CNBD1: variants seen among roughly 807,000 people sequenced by gnomAD.
CNBD1 encodes cyclic nucleotide binding domain containing 1, also known as cyclic nucleotide-binding domain-containing protein 1.
CNBD1 carries 71 observed loss-of-function variants against 54.4 expected under a neutral mutation model. That is an observed-to-expected ratio of 1.30 (90% CI 1.08 to 1.59). The LOEUF is 1.59. Among genes scored for constraint, CNBD1 ranks in the 40% most tolerant of loss-of-function variants. CNBD1 has a pLI of 0.00. For synonymous variants in CNBD1, 182 were observed against 170.7 expected, an observed-to-expected ratio of 1.07 and a Z score of -0.51; for missense variants, 659 against 518.0, an observed-to-expected ratio of 1.27 and a Z score of -2.64.
intron 4 of CNBD1, among the ~76,000 whole-genome samples, chr8:87,200,285 G>A (rs751070870): frequency 6.6e-6 from 1 of 152,062 alleles, no homozygotes; most frequent in Non-Finnish European, 1.5e-5. Flanking sequence ...AACACAAAAA[G>A]CTCCATACCT....
At chr8:87,280,957 C>A (rs999810366) in intron 6 of CNBD1, among the ~76,000 whole-genome samples, 3 of 149,580 alleles carry the variant, frequency 2.0e-5, no homozygotes, top group Non-Finnish European at 4.5e-5. Flanking sequence ...ATCTATGTAG[C>A]CTTAATAGAT....
chr8:87,085,777 G>C (rs1419009775), intron 4 of CNBD1, among the ~76,000 whole-genome samples: 1 of 152,106 alleles, frequency 6.6e-6, no homozygotes, highest in Non-Finnish European at 1.5e-5. Context: ...CCTTGTGTTG[G>C]TGGGTGTAGG....
chr8:87,246,642 T>G (rs975461904), intron 6 of CNBD1, among the ~76,000 whole-genome samples: 3 of 152,104 alleles, frequency 2.0e-5, no homozygotes, highest in African/African-American at 7.2e-5. Context: ...CTCCCCTGTC[T>G]TTCCATCCTG....
chr8:87,228,008 T>A (rs1814546705), intron 5 of CNBD1, among the ~76,000 whole-genome samples: 4 of 151,808 alleles, frequency 2.6e-5, no homozygotes, highest in Non-Finnish European at 4.4e-5. Context: ...CCATCACTGA[T>A]ACCCTTTCTT....
intron 2 of CNBD1, among the ~76,000 whole-genome samples, chr8:87,422,400 G>A (rs572635744): frequency 9.1e-5 from 9 of 98,520 alleles, no homozygotes; most frequent in Non-Finnish European, 1.6e-4. Context: ...GGGTTTTTAT[G>A]GTTTAGGTCT....
intron 4 of CNBD1, among the ~76,000 whole-genome samples, chr8:87,078,664 T>C (rs1810923764): frequency 6.6e-6 from 1 of 152,208 alleles, no homozygotes; most frequent in Admixed American, 6.5e-5. Flanking sequence ...AGAGTCTTGA[T>C]GGCTTTGGCT....
chr8:87,226,194 C>T (rs1217274252), intron 5 of CNBD1, among the ~76,000 whole-genome samples: 2 of 151,764 alleles, frequency 1.3e-5, no homozygotes, highest in East Asian at 1.9e-4. Flanking sequence ...AAAACCAGCT[C>T]CTGGATTCAT....
intron 4 of CNBD1, among the ~76,000 whole-genome samples, chr8:87,181,198 G>A (rs1428561268): frequency 6.6e-6 from 1 of 152,120 alleles, no homozygotes; most frequent in African/African-American, 2.4e-5. Flanking sequence ...TGAATCAAAA[G>A]CATCTATTCC....
chr8:87,323,634 AT>A (rs1433258317), intron 8 of CNBD1, among the ~76,000 whole-genome samples: 1 of 132,600 alleles, frequency 7.5e-6, no homozygotes, highest in Non-Finnish European at 1.7e-5. Context: ...AATGCTTGTG[AT>A]TTTTGTACAT....
rs571078631 is a variant in CNBD1 at position 87,271,893 on chromosome 8, G to C, written c.772-12785G>C. The stretch of plus-strand genomic sequence containing the variant: ...ATGGATGAATGAATAAAGAAAATGT[G>C]GTATATATACACAATGGAATGTTAA... On this transcript the variant is annotated intron_variant, in intron 6 of 10. Transcript: ENST00000518476. 2.6e-5 allele frequency among the ~76,000 whole-genome samples: 4 copies of C among 151,812 alleles called. No homozygotes were observed. In the South Asian group the frequency reaches 8.3e-4, roughly 32 times the overall value.
chr8:87,321,014 A>T (rs1347277539), intron 8 of CNBD1, among the ~76,000 whole-genome samples: 2 of 152,138 alleles, frequency 1.3e-5, no homozygotes, highest in Admixed American at 6.6e-5. Flanking sequence ...CTCAAACTGC[A>T]TCCATGTTGC....
At chr8:87,295,368 TATG>T (rs1275285816) in intron 8 of CNBD1, among the ~76,000 whole-genome samples, 76 of 152,074 alleles carry the variant, frequency 5.0e-4, no homozygotes, top group African/African-American at 1.8e-3. Flanking sequence ...TTATTAATAA[TATG>T]ATAAATGTGA....
At chr8:87,259,710 G>A (rs1228404414) in intron 6 of CNBD1, among the ~76,000 whole-genome samples, 2 of 152,068 alleles carry the variant, frequency 1.3e-5, no homozygotes, top group Middle Eastern at 3.2e-3. Context: ...TTTCTTAATT[G>A]GTTATTGGCT....
intron 2 of CNBD1, among the ~76,000 whole-genome samples, chr8:87,415,417 T>A (rs950247246): frequency 6.6e-6 from 1 of 152,092 alleles, no homozygotes; most frequent in African/African-American, 2.4e-5. Context: ...TATATTGCTC[T>A]GTGTTAGGCT....
Position 87,098,851 on chromosome 8 carries a change from A to G in CNBD1, c.432-107142A>G, listed in dbSNP as rs541982579. Among the ~76,000 whole-genome samples, 5 of 151,736 alleles carry G rather than the reference A, an allele frequency of 3.3e-5. No individual in the cohort carries two copies. In the South Asian group the frequency reaches 1.0e-3, roughly 32 times the overall value. The stretch of plus-strand genomic sequence containing the variant: ...AGGAGTTTGAGACCAGCCTGGCAAC[A>G]TGGTGAAATCCTGTCTCTACTAAAA... On this transcript the variant is annotated intron_variant, in intron 4 of 10. Coordinates refer to ENST00000518476, the MANE Select transcript of CNBD1 (RefSeq NM_173538.3).
chr8:87,355,571 A>G (rs1178312661), intron 10 of CNBD1, among the ~76,000 whole-genome samples: 5 of 152,200 alleles, frequency 3.3e-5, no homozygotes, highest in Admixed American at 6.5e-5. Flanking sequence ...GGAGAAATGA[A>G]TAGAAGCTAA....
chr8:86,951,341 C>T (rs1377921511), intron 4 of CNBD1, among the ~76,000 whole-genome samples: 1 of 151,724 alleles, frequency 6.6e-6, no homozygotes, highest in East Asian at 1.9e-4. Context: ...GTAATCCCAG[C>T]ACTTTGGGAG....
intron 1 of CNBD1, among the ~76,000 whole-genome samples, chr8:86,877,784 A>G (rs546275163): frequency 2.0e-5 from 3 of 151,536 alleles, no homozygotes; most frequent in Non-Finnish European, 4.4e-5. Flanking sequence ...TTTTTTGTCT[A>G]CTCTTATTTC....
intron 4 of CNBD1, among the ~76,000 whole-genome samples, chr8:86,986,711 A>G (rs1015331249): frequency 5.9e-5 from 9 of 152,206 alleles, no homozygotes; most frequent in African/African-American, 2.2e-4. Flanking sequence ...GTAGGGGTCC[A>G]ACTTTGTTCT....
Sources: gnomAD v4.1 joint callset for allele counts (sites outside exome capture counted in the v4.1 genomes callset) on GRCh38, gnomAD v4.1.1 for gene constraint, MANE v1.5 for transcripts, NCBI Gene and HGNC (gene_info 2026-07-23, HGNC 2026-07-21) for gene names.